TGFBR3: variants seen among roughly 807,000 people sequenced by gnomAD.
TGFBR3 encodes the protein transforming growth factor beta receptor 3, also known as transforming growth factor beta receptor type 3.
In TGFBR3, 46 loss-of-function variants were observed where a neutral mutation model predicts 87.9. The ratio of observed to expected loss-of-function variants is 0.52; its 90% CI spans 0.41 to 0.67. The LOEUF is 0.67. Among genes scored for constraint, TGFBR3 ranks in the 30% least tolerant of loss-of-function variants. The probability of loss-of-function intolerance (pLI) is 0.00; values close to 1 mark genes in which losing one functional copy is unlikely to be tolerated. For missense variants in TGFBR3, 866 were observed against 1,041.9 expected (o/e 0.83, Z 2.32); for synonymous variants, 381 against 391.6 (o/e 0.97, Z 0.32).
At chr1:91,854,152 T>C (rs181244671) in intron 2 of TGFBR3, among the ~76,000 whole-genome samples, 3 of 152,196 alleles carry the variant, frequency 2.0e-5, no homozygotes, top group Admixed American at 1.3e-4. Context: ...GTTCAAGAGA[T>C]TGACTGTACA....
intron 3 of TGFBR3, among the ~76,000 whole-genome samples, chr1:91,782,913 A>G (rs150759027): frequency 6.6e-6 from 1 of 152,360 alleles, no homozygotes; most frequent in Admixed American, 6.5e-5. Flanking sequence ...AAACGGGTCC[A>G]CAGGCATGCA....
chr1:91,765,584 C>A (rs554574249), intron 3 of TGFBR3, among the ~76,000 whole-genome samples: 1 of 152,032 alleles, frequency 6.6e-6, no homozygotes, highest in South Asian at 2.1e-4. Context: ...TGTAAGACAG[C>A]GTAGAATGGC....
intron 10 of TGFBR3, among the ~76,000 whole-genome samples, chr1:91,717,718 C>T (rs1672223235): frequency 1.3e-5 from 2 of 149,650 alleles, no homozygotes; most frequent in South Asian, 4.2e-4. Context: ...GCCTTTCTCT[C>T]TGTACCAGGT....
At chr1:91,758,553 G>A (rs1324352707) in intron 4 of TGFBR3, 60 bp downstream of exon 4, 11 of 1,606,550 alleles carry the variant, frequency 6.8e-6, no homozygotes, top group Non-Finnish European at 9.4e-6. Flanking sequence ...GTTTGGCAAA[G>A]TTTAAGGACC....
chr1:91,769,773 C>A (rs545267139), intron 3 of TGFBR3, among the ~76,000 whole-genome samples: 81 of 151,946 alleles, frequency 5.3e-4, no homozygotes, highest in African/African-American at 1.9e-3. Context: ...GATACAAAAC[C>A]AAAAAGGCCG....
chr1:91,839,459 G>A (rs1266549536), intron 2 of TGFBR3, among the ~76,000 whole-genome samples: 1 of 152,126 alleles, frequency 6.6e-6, no homozygotes, highest in Non-Finnish European at 1.5e-5. Context: ...ATTTCAAAGT[G>A]AAAAATAGTA....
At chr1:91,858,611 A>C (rs1678055252) in intron 2 of TGFBR3, among the ~76,000 whole-genome samples, 1 of 5,138 alleles carries the variant, frequency 1.9e-4, no homozygotes, top group African/African-American at 3.8e-4. Context: ...ACTCTGTCTC[A>C]AAAAAAAAAA....
intron 3 of TGFBR3, among the ~76,000 whole-genome samples, chr1:91,784,376 T>G (rs1031544574): frequency 1.6e-4 from 24 of 152,282 alleles, no homozygotes; most frequent in Non-Finnish European, 3.1e-4. Flanking sequence ...CTTGGTGCCA[T>G]GCAATAACCC....
chr1:91,739,150 T>C (rs549754068), intron 4 of TGFBR3, among the ~76,000 whole-genome samples: 1 of 152,280 alleles, frequency 6.6e-6, no homozygotes, highest in East Asian at 1.9e-4. Flanking sequence ...TGTAGACCGT[T>C]GTAAGGACTA....
intron 2 of TGFBR3, among the ~76,000 whole-genome samples, chr1:91,800,357 T>C (rs1378830749): frequency 6.7e-6 from 1 of 148,338 alleles, no homozygotes; most frequent in Non-Finnish European, 1.5e-5. Context: ...TGTGTGTGTA[T>C]ATAAAAGCAG....
chr1:91,852,375 C>T (rs188850854), intron 2 of TGFBR3, among the ~76,000 whole-genome samples: 330 of 152,314 alleles, frequency 2.2e-3, no homozygotes, highest in Non-Finnish European at 3.5e-3. Flanking sequence ...TGCCTCAACT[C>T]CCGTGTGTGT....
intron 2 of TGFBR3, among the ~76,000 whole-genome samples, chr1:91,891,891 T>C (rs1440735499): frequency 2.6e-5 from 4 of 152,362 alleles, no homozygotes; most frequent in African/African-American, 7.2e-5. Context: ...ACATTTTCTA[T>C]ATCTATCTAC....
intron 1 of TGFBR3, among the ~76,000 whole-genome samples, chr1:91,865,781 A>G (rs1021801490): frequency 2.0e-5 from 3 of 151,982 alleles, no homozygotes; most frequent in Non-Finnish European, 4.4e-5. Flanking sequence ...GCGCGGTGGC[A>G]GGCACCTGTA....
At chr1:91,780,884 TACACACACACACACACACACAC>T (rs56862200) in intron 3 of TGFBR3, among the ~76,000 whole-genome samples, 10 of 132,658 alleles carry the variant, frequency 7.5e-5, no homozygotes, top group Non-Finnish European at 1.3e-4. Flanking sequence ...ACTAGAGAAC[TACACACACACACACACACACAC>T]ACACACACAC....
chr1:91,865,071 T>C (rs971417789), intron 1 of TGFBR3, among the ~76,000 whole-genome samples: 4 of 151,492 alleles, frequency 2.6e-5, no homozygotes, highest in Admixed American at 6.6e-5. Flanking sequence ...GGCGTGGTGG[T>C]ACGTGCCTGT....
chr1:91,854,218 C>G (rs969636255), intron 2 of TGFBR3, among the ~76,000 whole-genome samples: 14 of 152,144 alleles, frequency 9.2e-5, no homozygotes, highest in African/African-American at 3.1e-4. Flanking sequence ...CACCACTGAG[C>G]CTAAGATGGC....
At chr1:91,864,308 T>C (rs559126957) in intron 1 of TGFBR3, 1 of 152,308 alleles carries the variant, frequency 6.6e-6, no homozygotes, top group South Asian at 2.1e-4. Context: ...AATGGTTCCA[T>C]TAAAAATATA....
At chr1:91,841,368 G>T (rs900035136) in intron 2 of TGFBR3, among the ~76,000 whole-genome samples, 3 of 152,214 alleles carry the variant, frequency 2.0e-5, no homozygotes, top group Non-Finnish European at 4.4e-5. Flanking sequence ...CACTCTTAAA[G>T]GAAAGTGGCA....
intron 2 of TGFBR3, among the ~76,000 whole-genome samples, chr1:91,808,302 A>G (rs1366462119): frequency 2.6e-5 from 4 of 152,180 alleles, no homozygotes; most frequent in Non-Finnish European, 4.4e-5. Flanking sequence ...TATGCACAGT[A>G]TTAGAGTAAA....
Sources: allele counts gnomAD v4.1 joint callset (sites outside exome capture counted in the v4.1 genomes callset), GRCh38; gene constraint gnomAD v4.1.1; transcripts MANE v1.5; gene names NCBI Gene and HGNC (gene_info 2026-07-23, HGNC 2026-07-21).